PTPRT: variants seen among roughly 807,000 people sequenced by gnomAD.
PTPRT encodes receptor-type tyrosine-protein phosphatase T.
Under a neutral mutation model 176.8 loss-of-function variants are expected in PTPRT, and 56 were observed. The observed-to-expected ratio is 0.32, with a 90% confidence interval of 0.26 to 0.40. The LOEUF is 0.40. PTPRT is among the 10% of genes least tolerant of loss of function. PTPRT has a pLI of 1.00. For missense variants in PTPRT, 1,540 were observed against 1,908.2 expected (o/e 0.81, Z 3.60); for synonymous variants, 783 against 739.0 (o/e 1.06, Z -0.96).
intron 1 of PTPRT, among the ~76,000 whole-genome samples, chr20:43,071,552 G>T (rs181501453): frequency 6.6e-6 from 1 of 152,122 alleles, no homozygotes; most frequent in Non-Finnish European, 1.5e-5. Flanking sequence ...TGAGGGGGCC[G>T]ATGCAGGTGG....
In PTPRT at chr20:42,234,912, T is replaced by C. The variant is rs79072060; in HGVS notation, c.2342+1317A>G. ...CTTTTGCTGGCTCCATCTTTATCTA[T>C]GAAGCCTTCAGCAGGTAATGCTATT... On this transcript the variant is annotated intron_variant, in intron 15 of 30. Coordinates refer to ENST00000373187, the MANE Select transcript of PTPRT (RefSeq NM_007050.6). Among the ~76,000 whole-genome samples the C allele has an allele frequency of 2.4e-3, 369 of 152,344 alleles. 1 individual carries two copies. Among genetic ancestry groups the C allele is most frequent in the African/African-American group, 8.5e-3 (355 of 41,576 alleles).
intron 7 of PTPRT, among the ~76,000 whole-genome samples, chr20:42,509,035 A>G (rs1175372716): frequency 8.9e-4 from 51 of 57,030 alleles, no homozygotes; most frequent in African/African-American, 3.9e-3. Context: ...TTATAGATAT[A>G]AATTATATAA....
At chr20:42,566,430 A>T (rs529974862) in intron 7 of PTPRT, among the ~76,000 whole-genome samples, 1 of 152,250 alleles carries the variant, frequency 6.6e-6, no homozygotes, top group Admixed American at 6.5e-5. Context: ...CAGCCAGCTG[A>T]CTTTAACGTT....
intron 7 of PTPRT, among the ~76,000 whole-genome samples, chr20:42,598,313 G>T (rs191775312): frequency 1.3e-5 from 2 of 152,304 alleles, no homozygotes; most frequent in East Asian, 3.9e-4. Flanking sequence ...TATGGGAATA[G>T]ATGGCAATCT....
chr20:42,677,781 T>C (rs1480893556), intron 7 of PTPRT, 85 bp downstream of exon 7: 9 of 1,444,318 alleles, frequency 6.2e-6, no homozygotes, highest in East Asian at 2.3e-5. Context: ...TTCGGAATTA[T>C]CTGTCACAGG....
chr20:42,081,885 G>T lies in PTPRT; in HGVS notation c.4269C>A (p.Thr1423=). Residue 1423 remains threonine, a synonymous_variant, in exon 30 of 31, where the codon ACC becomes ACA. Transcript: ENST00000373187. The stretch of plus-strand genomic sequence containing the variant: ...GAACAGTCCTTGGGATACTCACCAG[G>T]GTCTCCACCATGTTGGATTTGTTGT... ...LRNNKSNMVE[T]LEQYKFVYEV... 1 of 1,614,194 alleles carries T rather than the reference G, an allele frequency of 6.2e-7. No individual in the cohort carries two copies. The highest frequency in any genetic ancestry group is 8.5e-7 in the Non-Finnish European group (1 of 1,180,026).
At chr20:42,405,396 C>T (rs867444336) in intron 9 of PTPRT, among the ~76,000 whole-genome samples, 3 of 152,112 alleles carry the variant, frequency 2.0e-5, no homozygotes, top group South Asian at 4.1e-4. Context: ...CCTGGGTCCA[C>T]CTGTTCTCAT....
downstream of PTPRT, among the ~76,000 whole-genome samples, chr20:42,067,866 TC>T (rs1233409127): frequency 6.6e-6 from 1 of 152,282 alleles, no homozygotes; most frequent in East Asian, 1.9e-4. Context: ...CAGCTAGTGT[TC>T]CCCTGAAAGC....
intron 1 of PTPRT, among the ~76,000 whole-genome samples, chr20:42,995,612 G>A (rs1330749093): frequency 6.6e-6 from 1 of 152,090 alleles, no homozygotes; most frequent in Non-Finnish European, 1.5e-5. Context: ...AAAATGTCAG[G>A]CCTTTCCGAG....
At chr20:43,045,771 C>G (rs1460179105) in intron 1 of PTPRT, among the ~76,000 whole-genome samples, 3 of 151,968 alleles carry the variant, frequency 2.0e-5, no homozygotes, top group Non-Finnish European at 4.4e-5. Context: ...ACAATCCCTA[C>G]CCTTTTGAGT....
intron 1 of PTPRT, among the ~76,000 whole-genome samples, chr20:43,056,085 G>A (rs1026036552): frequency 6.6e-6 from 1 of 152,094 alleles, no homozygotes; most frequent in African/African-American, 2.4e-5. Flanking sequence ...ATTTGTCTTG[G>A]ATGAACAAGA....
At chr20:42,048,266 C>T in the PTPRT span, among the ~76,000 whole-genome samples, 2 of 152,202 alleles carry the variant, frequency 1.3e-5, no homozygotes, top group Admixed American at 1.3e-4. Flanking sequence ...GATGCAGGCT[C>T]AGAAGCTGGC....
rs543028730 is a variant in PTPRT at position 42,917,365 on chromosome 20, T to A, written c.89-31433A>T. ...TACCATGCTGTTTTGGTTACTGTAG[T>A]CTTGTAGTATAGTTTGAAGTCAGGT... On this transcript the variant is annotated intron_variant, in intron 1 of 30. Coordinates refer to ENST00000373187, the MANE Select transcript of PTPRT (RefSeq NM_007050.6). Among the ~76,000 whole-genome samples, 18 of 152,236 alleles carry A rather than the reference T, an allele frequency of 1.2e-4. No individual in the cohort carries two copies. The East Asian group carries it at 3.1e-3, about 26-fold the overall frequency.
chr20:42,961,655 G>C (rs1022478794), intron 1 of PTPRT, among the ~76,000 whole-genome samples: 3 of 152,132 alleles, frequency 2.0e-5, no homozygotes, highest in African/African-American at 7.2e-5. Flanking sequence ...GTGGGAGGGG[G>C]CCCCCACACT....
intron 6 of PTPRT, among the ~76,000 whole-genome samples, chr20:42,754,714 G>A (rs560762602): frequency 3.9e-5 from 6 of 152,110 alleles, no homozygotes; most frequent in African/African-American, 1.4e-4. Flanking sequence ...TTTTTCATAA[G>A]TGCCTAACTT....
At chr20:42,920,376 C>G in intron 1 of PTPRT, among the ~76,000 whole-genome samples, 1 of 151,858 alleles carries the variant, frequency 6.6e-6, no homozygotes, top group Non-Finnish European at 1.5e-5. Flanking sequence ...GATAAGTGGT[C>G]GCCTGGAGCA....
intron 1 of PTPRT, among the ~76,000 whole-genome samples, chr20:42,899,366 C>G (rs1231604976): frequency 6.6e-6 from 1 of 152,180 alleles, no homozygotes; most frequent in East Asian, 1.9e-4. Context: ...GCGTCTGAAG[C>G]CTGCAGAAGC....
intron 2 of PTPRT, among the ~76,000 whole-genome samples, chr20:42,864,572 C>A (rs959817610): frequency 6.6e-6 from 1 of 152,128 alleles, no homozygotes; most frequent in Admixed American, 6.6e-5. Flanking sequence ...ATTGCATGAC[C>A]TTCATTTTAT....
intron 16 of PTPRT, among the ~76,000 whole-genome samples, chr20:42,164,724 A>C (rs976515481): frequency 6.6e-6 from 1 of 152,182 alleles, no homozygotes; most frequent in Non-Finnish European, 1.5e-5. Flanking sequence ...TATCAGGCCC[A>C]ATTAAAAGAC....
Sources: gnomAD v4.1 joint callset for allele counts (sites outside exome capture counted in the v4.1 genomes callset) on GRCh38, gnomAD v4.1.1 for gene constraint, MANE v1.5 for transcripts, NCBI Gene and HGNC (gene_info 2026-07-23, HGNC 2026-07-21) for gene names.